CRACD: variants seen among roughly 807,000 people sequenced by gnomAD.
CRACD encodes the protein capping protein-inhibiting regulator of actin dynamics.
In CRACD, 56 loss-of-function variants were observed where a neutral mutation model predicts 106.8. The observed-to-expected ratio is 0.52, with a 90% CI of 0.42 to 0.66. The LOEUF (loss-of-function observed/expected upper bound fraction) is 0.66, where lower values mean the gene tolerates loss of function less well. Among genes scored for constraint, CRACD ranks in the 30% least tolerant of loss-of-function variants. The pLI is 0.00. For missense variants in CRACD, 1,730 were observed against 1,623.2 expected (o/e 1.07, Z -1.13); for synonymous variants, 754 against 670.8 (o/e 1.12, Z -1.92).
chr4:56,188,587 C>T (rs1022922484), intron 2 of CRACD, among the ~76,000 whole-genome samples: 3 of 151,296 alleles, frequency 2.0e-5, no homozygotes, highest in Non-Finnish European at 4.4e-5. Context: ...TTTTTCCCTC[C>T]AGACTCCTAC....
intron 2 of CRACD, among the ~76,000 whole-genome samples, chr4:56,189,789 CT>C (rs571369696): frequency 1.1e-3 from 158 of 144,356 alleles, no homozygotes; most frequent in African/African-American, 3.8e-3. Flanking sequence ...TTCTTTTTTT[CT>C]TTTTTTAAAT....
chr4:56,300,875 T>G (rs1318314067), intron 4 of CRACD, among the ~76,000 whole-genome samples: 1 of 152,208 alleles, frequency 6.6e-6, no homozygotes, highest in Non-Finnish European at 1.5e-5. Context: ...AGGCGTGATT[T>G]TAAATAACCT....
At position 56,061,717 on chromosome 4, in the gene CRACD, A is replaced by T. The variant is rs187345121; in HGVS notation, c.-336+12418A>T. On this transcript the variant is annotated intron_variant, in intron 1 of 10. Transcript: ENST00000682029. The stretch of plus-strand genomic sequence containing the variant: ...CAGATTGTGATGAGTGCTATAAAGC[A>T]AGTAAAGCCAGGTGAGTGGAGTAAA... Among the ~76,000 whole-genome samples the T allele has an allele frequency of 5.8e-4, 88 of 152,326 alleles. 1 individual carries two copies. Among genetic ancestry groups the T allele is most frequent in the African/African-American group, 2.1e-3 (88 of 41,574 alleles).
At chr4:56,245,610 G>A (rs1740636643) in intron 2 of CRACD, among the ~76,000 whole-genome samples, 1 of 152,180 alleles carries the variant, frequency 6.6e-6, no homozygotes, top group Admixed American at 6.5e-5. Flanking sequence ...CTTTTCTAAG[G>A]AGTGTTGCAC....
chr4:56,223,116 T>A (rs991547625), intron 2 of CRACD, among the ~76,000 whole-genome samples: 1 of 151,714 alleles, frequency 6.6e-6, no homozygotes, highest in Non-Finnish European at 1.5e-5. Context: ...TTCTTGAAGA[T>A]GTTGACAGTA....
At chr4:56,185,311 T>C (rs1737040143) in intron 2 of CRACD, among the ~76,000 whole-genome samples, 1 of 152,126 alleles carries the variant, frequency 6.6e-6, no homozygotes, top group Admixed American at 6.5e-5. Context: ...TCTGTCTCTT[T>C]CCAAAACATT....
intron 1 of CRACD, among the ~76,000 whole-genome samples, chr4:56,150,032 G>A (rs571540162): frequency 2.4e-4 from 37 of 152,258 alleles, no homozygotes; most frequent in Non-Finnish European, 5.1e-4. Context: ...CACTTATAAA[G>A]CACTATATTA....
intron 1 of CRACD, among the ~76,000 whole-genome samples, chr4:56,164,782 G>T (rs1255924271): frequency 6.6e-6 from 1 of 152,114 alleles, no homozygotes; most frequent in East Asian, 1.9e-4. Flanking sequence ...TAAGAAGGGT[G>T]GTAAGTTATA....
intron 1 of CRACD, among the ~76,000 whole-genome samples, chr4:56,056,675 G>A (rs192750547): frequency 2.5e-4 from 38 of 152,166 alleles, no homozygotes; most frequent in Non-Finnish European, 4.7e-4. Flanking sequence ...CATGTCTGTG[G>A]TCCCAGTTAC....
Position 56,316,247 on chromosome 4 carries a change from C to CA in CRACD, c.2746dup (p.Thr916AsnfsTer7), listed in dbSNP as rs1745637483. 1.2e-6 allele frequency: 2 copies of CA among 1,613,874 alleles called. No homozygotes were observed. Among genetic ancestry groups the CA allele is most frequent in the Non-Finnish European group, 1.7e-6 (2 of 1,179,854 alleles). On this transcript the variant is annotated frameshift_variant, in exon 8 of 11. Transcript: ENST00000682029. LOFTEE classifies it high-confidence loss of function. ...CCCAAGAGCGGAAGCAAGCCCCTTC[C>CA]ACCCGGAGGGACTCCGCTGAACCTT...
chr4:56,250,035 G>C (rs1045321695), intron 2 of CRACD, among the ~76,000 whole-genome samples: 1 of 152,096 alleles, frequency 6.6e-6, no homozygotes, highest in African/African-American at 2.4e-5. Context: ...TTCCATCTTC[G>C]AAGTAAATCT....
chr4:56,217,459 C>T (rs948763254), intron 2 of CRACD, among the ~76,000 whole-genome samples: 1 of 151,876 alleles, frequency 6.6e-6, no homozygotes, highest in Non-Finnish European at 1.5e-5. Context: ...GATTCCAGGT[C>T]CTAGGTGGAT....
At chr4:56,081,447 T>C (rs1399106560) in intron 1 of CRACD, among the ~76,000 whole-genome samples, 3 of 152,190 alleles carry the variant, frequency 2.0e-5, no homozygotes, top group African/African-American at 7.2e-5. Flanking sequence ...TTGGTGGTGA[T>C]GTCATGAAGT....
At chr4:56,258,748 T>A (rs2109609117) in intron 2 of CRACD, among the ~76,000 whole-genome samples, 1 of 152,122 alleles carries the variant, frequency 6.6e-6, no homozygotes, top group East Asian at 1.9e-4. Flanking sequence ...TGACCAGAGG[T>A]CAAGTCTATA....
intron 2 of CRACD, among the ~76,000 whole-genome samples, chr4:56,258,402 C>T (rs1361094595): frequency 6.6e-6 from 1 of 152,188 alleles, no homozygotes; most frequent in Non-Finnish European, 1.5e-5. Context: ...GTAACCCAAC[C>T]AGCTTGGCCA....
chr4:56,268,589 C>A (rs1316801142), intron 2 of CRACD, among the ~76,000 whole-genome samples: 1 of 152,050 alleles, frequency 6.6e-6, no homozygotes, highest in Non-Finnish European at 1.5e-5. Context: ...ATATAAATAG[C>A]CATTTGACCA....
At chr4:56,209,676 A>C (rs1385609705) in intron 2 of CRACD, among the ~76,000 whole-genome samples, 1 of 152,226 alleles carries the variant, frequency 6.6e-6, no homozygotes, top group East Asian at 1.9e-4. Flanking sequence ...ATAAGATGCC[A>C]AACTATATAA....
intron 3 of CRACD, among the ~76,000 whole-genome samples, chr4:56,297,576 C>G (rs886510645): frequency 6.6e-6 from 1 of 152,112 alleles, no homozygotes; most frequent in African/African-American, 2.4e-5. Flanking sequence ...AAAACCTTGT[C>G]TCTAAAAAAT....
intron 1 of CRACD, among the ~76,000 whole-genome samples, chr4:56,051,543 G>A (rs893646450): frequency 2.6e-5 from 4 of 152,126 alleles, no homozygotes; most frequent in African/African-American, 9.7e-5. Context: ...CGTTTTGTAG[G>A]TGAGGAAATC....
Sources: gnomAD v4.1 joint callset for allele counts (sites outside exome capture counted in the v4.1 genomes callset) on GRCh38, gnomAD v4.1.1 for gene constraint, MANE v1.5 for transcripts, NCBI Gene and HGNC (gene_info 2026-07-23, HGNC 2026-07-21) for gene names.